The following MAGI2 variants were observed in gnomAD, a reference collection of about 807,000 sequenced individuals.
MAGI2 encodes membrane-associated guanylate kinase, WW and PDZ domain-containing protein 2.
Under a neutral mutation model 133.3 loss-of-function variants are expected in MAGI2, and 35 were observed. The observed-to-expected ratio is 0.26, with a 90% CI of 0.20 to 0.35. The LOEUF (loss-of-function observed/expected upper bound fraction) is 0.35, where lower values mean the gene tolerates loss of function less well. Among genes scored for constraint, MAGI2 ranks in the 10% least tolerant of loss-of-function variants. MAGI2 has a pLI of 1.00. For synonymous variants in MAGI2, 729 were observed against 710.6 expected (o/e 1.03, Z -0.41); for missense variants, 1,636 against 1,863.4 (o/e 0.88, Z 2.25).
intron 1 of MAGI2, among the ~76,000 whole-genome samples, chr7:79,208,793 T>C (rs1408005293): frequency 1.3e-5 from 2 of 151,960 alleles, no homozygotes; most frequent in East Asian, 3.9e-4. Flanking sequence ...TGTTCATCAG[T>C]GGATGAGTTT....
intron 2 of MAGI2, among the ~76,000 whole-genome samples, chr7:78,861,628 C>G (rs891237188): frequency 6.6e-6 from 1 of 152,168 alleles, no homozygotes; most frequent in African/African-American, 2.4e-5. Context: ...ATCTCAAGCT[C>G]TCTGGCTACA....
intron 10 of MAGI2, among the ~76,000 whole-genome samples, chr7:78,227,400 A>T (rs1217498040): frequency 6.6e-6 from 1 of 152,146 alleles, no homozygotes; most frequent in East Asian, 1.9e-4. Context: ...ATGAACTTTC[A>T]CCAGAGTTCT....
chr7:78,522,643 G>A (rs1796607444), intron 3 of MAGI2, among the ~76,000 whole-genome samples: 1 of 152,170 alleles, frequency 6.6e-6, no homozygotes, highest in African/African-American at 2.4e-5. Flanking sequence ...GCCCCCCAAA[G>A]TGCTGGGATT....
At chr7:79,034,013 T>G (rs1810881628) in intron 1 of MAGI2, among the ~76,000 whole-genome samples, 2 of 152,162 alleles carry the variant, frequency 1.3e-5, no homozygotes, top group African/African-American at 4.8e-5. Context: ...TTTAAAAAAT[T>G]AGTCTTCAAA....
intron 16 of MAGI2, among the ~76,000 whole-genome samples, chr7:78,148,064 C>T (rs1823496294): frequency 1.3e-5 from 2 of 152,080 alleles, no homozygotes; most frequent in South Asian, 2.1e-4. Context: ...AAACCAATTT[C>T]CACACACAAA....
intron 1 of MAGI2, among the ~76,000 whole-genome samples, chr7:79,092,350 T>C (rs1197241883): frequency 6.6e-6 from 1 of 152,196 alleles, no homozygotes; most frequent in Non-Finnish European, 1.5e-5. Flanking sequence ...AACTATAATG[T>C]ATCTGTCATC....
At chr7:78,486,980 T>C (rs1488784570) in intron 6 of MAGI2, 1 of 525,746 alleles carries the variant, frequency 1.9e-6, no homozygotes, top group Admixed American at 1.9e-5. Context: ...TGGAAATCCC[T>C]GATCTGATTC....
intron 2 of MAGI2, among the ~76,000 whole-genome samples, chr7:78,963,016 T>C (rs1802983110): frequency 6.6e-6 from 1 of 152,128 alleles, no homozygotes; most frequent in African/African-American, 2.4e-5. Flanking sequence ...TTTTTGGGCA[T>C]AGAATTTATC....
chr7:79,173,366 C>T (rs1274404602), intron 1 of MAGI2, among the ~76,000 whole-genome samples: 6 of 151,946 alleles, frequency 3.9e-5, no homozygotes, highest in African/African-American at 1.2e-4. Context: ...TCCTCTATCA[C>T]CTAGGCTGGA....
rs551907750 is a variant in MAGI2 at position 79,036,291 on chromosome 7, T to A, written c.302-29085A>T. ...TGAGGAAGCCAATGTAAAAATAGGA[T>A]AATTGACTTGAGGATTATCACACTA... On this transcript the variant is annotated intron_variant, in intron 1 of 21. Coordinates refer to ENST00000354212, the MANE Select transcript of MAGI2 (RefSeq NM_012301.4). 6.3e-4 allele frequency among the ~76,000 whole-genome samples: 96 copies of A among 152,308 alleles called. 1 individual carries two copies. Among genetic ancestry groups the A allele is most frequent in the African/African-American group, 2.3e-3 (95 of 41,566 alleles).
At chr7:78,756,297 A>C (rs1823938622) in intron 2 of MAGI2, among the ~76,000 whole-genome samples, 1 of 152,230 alleles carries the variant, frequency 6.6e-6, no homozygotes, top group African/African-American at 2.4e-5. Context: ...ATTACTGCAA[A>C]GACTGAAGTG....
intron 2 of MAGI2, among the ~76,000 whole-genome samples, chr7:78,681,962 G>A (rs1049733762): frequency 4.6e-5 from 7 of 151,590 alleles, no homozygotes; most frequent in African/African-American, 1.7e-4. Flanking sequence ...AGTCTTTAGG[G>A]CAAAGACAAA....
At chr7:79,024,114 T>C (rs1236208393) in intron 1 of MAGI2, among the ~76,000 whole-genome samples, 11 of 152,244 alleles carry the variant, frequency 7.2e-5, no homozygotes, top group African/African-American at 2.2e-4. Flanking sequence ...CAAAACAGCA[T>C]GGTACTGATA....
intron 1 of MAGI2, among the ~76,000 whole-genome samples, chr7:79,325,181 C>T (rs1018408835): frequency 6.6e-6 from 1 of 152,120 alleles, no homozygotes; most frequent in African/African-American, 2.4e-5. Flanking sequence ...ATCCAACATC[C>T]TTGACCATCC....
chr7:79,110,835 C>A (rs1006498636), intron 1 of MAGI2, among the ~76,000 whole-genome samples: 17 of 152,070 alleles, frequency 1.1e-4, no homozygotes, highest in African/African-American at 3.1e-4. Flanking sequence ...GTCATAGGGG[C>A]AGATCCCTCA....
chr7:78,956,783 T>C (rs1027282232), intron 2 of MAGI2, among the ~76,000 whole-genome samples: 2 of 152,156 alleles, frequency 1.3e-5, no homozygotes, highest in African/African-American at 4.8e-5. Context: ...TGACTACTGT[T>C]TATTATACCA....
intron 3 of MAGI2, among the ~76,000 whole-genome samples, chr7:78,578,327 A>T (rs187097572): frequency 6.6e-6 from 1 of 152,246 alleles, no homozygotes; most frequent in Admixed American, 6.5e-5. Flanking sequence ...TACATATAAT[A>T]AAGGACAATG....
chr7:78,632,336 A>G (rs1809101871), intron 2 of MAGI2, among the ~76,000 whole-genome samples: 3 of 152,248 alleles, frequency 2.0e-5, no homozygotes, highest in Admixed American at 2.0e-4. Context: ...TAGTGGGTCA[A>G]ATACTGAGAT....
At chr7:78,899,867 T>C (rs1013580625) in intron 2 of MAGI2, among the ~76,000 whole-genome samples, 2 of 152,146 alleles carry the variant, frequency 1.3e-5, no homozygotes, top group African/African-American at 4.8e-5. Flanking sequence ...AGGAAAAACA[T>C]GTTTATTAAT....
Sources: gnomAD v4.1 joint callset for allele counts (sites outside exome capture counted in the v4.1 genomes callset) on GRCh38, gnomAD v4.1.1 for gene constraint, MANE v1.5 for transcripts, NCBI Gene and HGNC (gene_info 2026-07-23, HGNC 2026-07-21) for gene names.